CDC20B: variants seen among roughly 807,000 people sequenced by gnomAD.
CDC20B encodes the protein cell division cycle protein 20 homolog B.
In CDC20B, 58 loss-of-function variants were observed where a neutral mutation model predicts 64.1. The observed-to-expected ratio is 0.90, with a 90% confidence interval of 0.73 to 1.13. The LOEUF is 1.13. Among genes scored for constraint, CDC20B ranks in the 50% most tolerant of loss-of-function variants. CDC20B has a pLI of 0.00. For synonymous variants in CDC20B, 243 were observed against 230.6 expected (o/e 1.05, Z -0.49); for missense variants, 597 against 633.0 (o/e 0.94, Z 0.61).
At position 55,119,897 on chromosome 5, in the gene CDC20B, G is replaced by C; in HGVS notation, c.1363C>G (p.Pro455Ala). ...NSQICSLIWLPKTKEIATGQG... is the reference protein window; with the variant it reads ...NSQICSLIWLAKTKEIATGQG... ...CCAGTTGCAATCTCCTTTGTCTTAGGTAGCCAGATTAAGGAACAAATCTGT... is the reference window on the plus strand; with the variant it reads ...CCAGTTGCAATCTCCTTTGTCTTAGCTAGCCAGATTAAGGAACAAATCTGT... The change falls in exon 11 of 12, where the codon CCT becomes GCT. Residue 455 changes from proline (P) to alanine (A), a missense_variant. By Grantham distance (27) the Pro-to-Ala change is conservative. This residue lies in a region of CDC20B where 353 missense variants were observed against 397.0 expected (regional missense o/e 0.89). Transcript: ENST00000381375. The C allele has an allele frequency of 6.2e-7, 1 of 1,612,694 alleles. No homozygotes were observed. Among genetic ancestry groups the C allele is most frequent in the Non-Finnish European group, 8.5e-7 (1 of 1,178,738 alleles).
intron 5 of CDC20B, 91 bp from the exon 6 acceptor site, chr5:55,133,619 A>G: frequency 1.8e-6 from 1 of 555,446 alleles, no homozygotes; most frequent in Non-Finnish European, 3.0e-6. Context: ...TTAAGTGAAA[A>G]AGCTTAATTA....
At chr5:55,157,432 G>A (rs1382827312) in intron 2 of CDC20B, among the ~76,000 whole-genome samples, 1 of 152,148 alleles carries the variant, frequency 6.6e-6, no homozygotes, top group East Asian at 1.9e-4. Context: ...CTGAATGTTT[G>A]GTTAATGGGT....
At chr5:55,164,230 C>T (rs374800679) in intron 2 of CDC20B, 10 of 1,508,014 alleles carry the variant, frequency 6.6e-6, no homozygotes, top group Admixed American at 2.0e-5. Context: ...AATGCCATTG[C>T]GTTTCTAATA....
intron 2 of CDC20B, among the ~76,000 whole-genome samples, chr5:55,153,240 TAAAAA>T (rs1206577177): frequency 1.1e-5 from 1 of 87,658 alleles, no homozygotes; most frequent in Admixed American, 1.5e-4. Context: ...CCTTGTCTCA[TAAAAA>T]AAAAAAAAAA....
chr5:55,142,598 G>C (rs1455022450), intron 4 of CDC20B, among the ~76,000 whole-genome samples: 1 of 152,108 alleles, frequency 6.6e-6, no homozygotes, highest in Non-Finnish European at 1.5e-5. Flanking sequence ...AAACACAGGA[G>C]TGTCAATAAT....
chr5:55,119,853 A>T lies in CDC20B; in HGVS notation c.1407T>A (p.Asn469Lys). Residue 469 changes from asparagine (N) to lysine (K), a missense_variant, in exon 11 of 12, where the codon AAT becomes AAA. Asn to Lys is a moderately conservative substitution (Grantham distance 94). Transcript: ENST00000381375. ...TGGGACAGGTCCACACAGTCACATC[A>T]TTCTTGGGAGTACCTTGACCAGTTG... is the stretch of plus-strand genomic sequence containing the variant. ...EIATGQGTPK[N>K]DVTVWTCPTV... 6.2e-7 allele frequency: 1 copy of T among 1,614,096 alleles called. No homozygotes were observed. The highest frequency in any genetic ancestry group is 8.5e-7 in the Non-Finnish European group (1 of 1,179,954).
intron 11 of CDC20B, among the ~76,000 whole-genome samples, chr5:55,119,567 A>G (rs1295574776): frequency 1.3e-5 from 2 of 152,196 alleles, no homozygotes; most frequent in Non-Finnish European, 2.9e-5. Flanking sequence ...TCCATCATTC[A>G]TATACATATG....
chr5:55,124,737 T>C (rs1473411085), intron 9 of CDC20B, 66 bp downstream of exon 9: 1 of 1,309,762 alleles, frequency 7.6e-7, no homozygotes, highest in Non-Finnish European at 1.1e-6. Context: ...ATTTTCTTTT[T>C]ATATGTGAAG....
intron 3 of CDC20B, among the ~76,000 whole-genome samples, chr5:55,144,133 C>T (rs137956574): frequency 5.4e-4 from 82 of 152,262 alleles, no homozygotes; most frequent in African/African-American, 1.9e-3. Flanking sequence ...GGGATGCTTG[C>T]TTTGCCAGCA....
rs143330752 is a variant in CDC20B, at chr5:55,155,835, G to A, written c.127-8979C>T. ...GGACCTGCTGCTCTGCAGACCTCCC[G>A]TGGCCCCTTCCAGATAACTTCAGTA... On this transcript the variant is annotated intron_variant, in intron 2 of 11. Transcript: ENST00000381375. Among the ~76,000 whole-genome samples, 304 of 152,206 alleles carry A rather than the reference G, an allele frequency of 2.0e-3. 1 individual carries two copies. The highest frequency in any genetic ancestry group is 6.9e-3 in the African/African-American group (286 of 41,532).
Position 55,146,717 on chromosome 5 carries a change from G to C in CDC20B, c.266C>G (p.Ser89Cys), listed in dbSNP as rs373822687. The C allele has an allele frequency of 2.5e-6, 4 of 1,614,190 alleles. No individual in the cohort carries two copies. Among genetic ancestry groups the C allele is most frequent in the Admixed American group, 3.3e-5 (2 of 60,022 alleles). ...QSQTRALSSD[S>C]FGEEQSTTYL... ...GGTGGTTGACTGCTCTTCCCCAAAG[G>C]AATCAGAGGACAGAGCCCTAGTTTG... The change falls in exon 3 of 12, where the codon TCC (serine) becomes TGC (cysteine). Residue 89 changes from serine to cysteine, a missense_variant. By Grantham distance (112) the Ser-to-Cys change is moderately radical. Around this residue, in one of 3 missense-constraint regions of CDC20B, gnomAD observed 241 missense variants for 219.2 expected, o/e 1.10. Transcript: ENST00000381375.
chr5:55,160,579 C>A, intron 2 of CDC20B: 1 of 553,748 alleles, frequency 1.8e-6, no homozygotes, highest in Non-Finnish European at 3.1e-6. Context: ...TAATAAATTC[C>A]GATTATCTCG....
intron 2 of CDC20B, chr5:55,165,667 G>T (rs1167397516): frequency 1.3e-5 from 2 of 152,232 alleles, no homozygotes; most frequent in African/African-American, 4.8e-5. Context: ...AAGATATTTG[G>T]TGGAGGTGGA....
chr5:55,146,576 A>G (rs1743480333), intron 3 of CDC20B, 52 bp downstream of exon 3: 6 of 1,252,862 alleles, frequency 4.8e-6, no homozygotes, highest in Non-Finnish European at 7.0e-6. Flanking sequence ...TCTCAGGAAT[A>G]TATCTTTTAT....
chr5:55,160,511 G>C, intron 2 of CDC20B: 1 of 717,478 alleles, frequency 1.4e-6, no homozygotes, highest in East Asian at 2.7e-5. Context: ...TTAGTCTTCA[G>C]AGTAATGGTA....
chr5:55,140,062 A>G (rs1463023777), intron 5 of CDC20B, among the ~76,000 whole-genome samples: 1 of 152,138 alleles, frequency 6.6e-6, no homozygotes, highest in Non-Finnish European at 1.5e-5. Flanking sequence ...ATAGTAGTTT[A>G]CCAATATTAT....
At position 55,114,186 on chromosome 5, in the gene CDC20B, A is replaced by G; in HGVS notation, c.*32T>C. On this transcript the variant is annotated 3_prime_UTR_variant, in exon 12 of 12. Coordinates refer to ENST00000381375, the MANE Select transcript of CDC20B (RefSeq NM_001170402.1). This position sits in a 1 kb window ranked among gnomAD's most constrained non-coding sequence, Gnocchi z 4.1. ...CCAACATCATCATCTTCACTCAGAAATAAGGAAACTGAAACCTAGAGGGGC... is the reference window on the plus strand; with the variant it reads ...CCAACATCATCATCTTCACTCAGAAGTAAGGAAACTGAAACCTAGAGGGGC... The G allele has an allele frequency of 1.2e-6, 2 of 1,602,282 alleles. No individual in the cohort carries two copies. The highest frequency in any genetic ancestry group is 1.7e-6 in the Non-Finnish European group (2 of 1,174,394).
intron 2 of CDC20B, chr5:55,160,453 C>A: frequency 7.1e-7 from 1 of 1,413,924 alleles, no homozygotes. Flanking sequence ...CTGTTTATTC[C>A]TCTTAATAAA....
At chr5:55,141,191 T>C (rs558671513) in intron 4 of CDC20B, among the ~76,000 whole-genome samples, 1 of 152,188 alleles carries the variant, frequency 6.6e-6, no homozygotes, top group Admixed American at 6.5e-5. Context: ...TTTCTTACAC[T>C]AGCTCTCTAC....
Sources: allele counts gnomAD v4.1 joint callset (sites outside exome capture counted in the v4.1 genomes callset), GRCh38; gene constraint gnomAD v4.1.1; regional missense constraint gnomAD v4.1.1; non-coding constraint Gnocchi (gnomAD v3.1); transcripts MANE v1.5; gene names NCBI Gene and HGNC (gene_info 2026-07-23, HGNC 2026-07-21).